Variants in TRPM7 observed in about 807,000 individuals in gnomAD.
TRPM7 encodes the protein transient receptor potential cation channel subfamily M member 7, also known as LTRPC ion channel family member 7.
Under a neutral mutation model 229.7 loss-of-function variants are expected in TRPM7, and 134 were observed. That is an observed-to-expected ratio of 0.58 (90% CI 0.51 to 0.67). TRPM7 has a LOEUF of 0.67. Among genes scored for constraint, TRPM7 ranks in the 30% least tolerant of loss-of-function variants. The pLI, the probability that TRPM7 is intolerant of heterozygous loss-of-function variation, is 0.00. For synonymous variants in TRPM7, 699 were observed against 715.2 expected (o/e 0.98, Z 0.36); for missense variants, 1,901 against 2,210.0 (o/e 0.86, Z 2.80).
Position 50,599,313 on chromosome 15 carries a change from A to G in TRPM7, c.2989-17T>C. 1 of 1,580,236 alleles carries G rather than the reference A, an allele frequency of 6.3e-7. No homozygotes were observed. Among genetic ancestry groups the G allele is most frequent in the Non-Finnish European group, 8.6e-7 (1 of 1,159,268 alleles). On this transcript the variant is annotated splice_polypyrimidine_tract_variant and intron_variant, in intron 21 of 38. Transcript: ENST00000646667. ...ATTGGCCACCTGTTAAAAAATGAAC[A>G]CTGTTAAAATACAAGGAAGTTTAAA...
At chr15:50,622,069 A>G (rs2060423877) in intron 12 of TRPM7, among the ~76,000 whole-genome samples, 1 of 152,142 alleles carries the variant, frequency 6.6e-6, no homozygotes, top group Non-Finnish European at 1.5e-5. Flanking sequence ...TATCAGGCAG[A>G]AGGGTGCTAA....
chr15:50,628,192 T>G lies in TRPM7; in HGVS notation c.1262A>C (p.Asp421Ala). The G allele has an allele frequency of 6.2e-7, 1 of 1,613,544 alleles. No homozygotes were observed. The highest frequency in any genetic ancestry group is 8.5e-7 in the Non-Finnish European group (1 of 1,179,916). ...LILTLAWDRV[D>A]IAKNHVFVYG... ...AACAAATACATGATTTTTGGCAATGTCAACTCTATCCCATGCCAATGTAAG... is the reference window on the plus strand; with the variant it reads ...AACAAATACATGATTTTTGGCAATGGCAACTCTATCCCATGCCAATGTAAG... Residue 421 changes from aspartate (D) to alanine (A), a missense_variant, in exon 11 of 39, where the codon GAC becomes GCC. Physicochemically the swap from Asp to Ala is moderately radical, Grantham distance 126. Coordinates refer to ENST00000646667, the MANE Select transcript of TRPM7 (RefSeq NM_017672.6).
chr15:50,641,685 TTC>T (rs1430142669), intron 5 of TRPM7, among the ~76,000 whole-genome samples: 2 of 152,180 alleles, frequency 1.3e-5, no homozygotes, highest in Non-Finnish European at 2.9e-5. Flanking sequence ...CCTCAAAAAC[TTC>T]TGACACAATG....
intron 1 of TRPM7, among the ~76,000 whole-genome samples, chr15:50,677,525 G>A (rs140978173): frequency 6.6e-6 from 1 of 151,904 alleles, no homozygotes; most frequent in East Asian, 1.9e-4. Flanking sequence ...CGGATCGCAA[G>A]GTCAGAAGTT....
At chr15:50,634,627 A>C (rs2060835231) in intron 7 of TRPM7, 71 bp from the exon 8 acceptor site, 2 of 1,186,102 alleles carry the variant, frequency 1.7e-6, no homozygotes, top group Non-Finnish European at 1.1e-6. Context: ...AAAAAAAATT[A>C]GGCAAAATTC....
chr15:50,628,118 ATTGTATTGTGTATGT>A lies in TRPM7; in HGVS notation c.1305+16_1305+30del. 1 of 1,445,226 alleles carries A rather than the reference ATTGTATTGTGTATGT, an allele frequency of 6.9e-7. No homozygotes were observed. The highest frequency in any genetic ancestry group is 9.6e-7 in the Non-Finnish European group (1 of 1,039,486). 89.5% of individuals were successfully genotyped at this position (1,445,226 alleles called of 1,614,324 possible). A position where few individuals can be genotyped will look rare whatever the true frequency, so the allele number is the denominator to read the frequency against. The stretch of plus-strand genomic sequence containing the variant: ...CTTTTTTATTACTTAGTGTAATTTA[ATTGTATTGTGTATGT>A]AGATTATTTACATACCAGCCACTGC... On this transcript the variant is annotated intron_variant, in intron 11 of 38. Coordinates refer to ENST00000646667, the MANE Select transcript of TRPM7 (RefSeq NM_017672.6).
intron 21 of TRPM7, 49 bp from the exon 22 acceptor site, chr15:50,599,345 G>T: frequency 7.3e-7 from 1 of 1,363,022 alleles, no homozygotes; most frequent in Non-Finnish European, 1.0e-6. Flanking sequence ...TAAACACTAT[G>T]ACAAATCTTT....
intron 12 of TRPM7, 134 bp downstream of exon 12, chr15:50,624,032 A>C: frequency 1.1e-6 from 1 of 902,398 alleles, no homozygotes; most frequent in South Asian, 2.1e-5. Flanking sequence ...ATCCATACTA[A>C]GACTGGCTAT....
At chr15:50,637,290 C>T (rs1277476480) in intron 7 of TRPM7, 132 bp downstream of exon 7, 17 of 782,370 alleles carry the variant, frequency 2.2e-5, no homozygotes, top group Non-Finnish European at 3.1e-5. Flanking sequence ...AGATCAACCA[C>T]TGTTGGTTGT....
chr15:50,569,865 T>C (rs1356657503), intron 38 of TRPM7, 22 bp downstream of exon 38: 5 of 1,533,368 alleles, frequency 3.3e-6, no homozygotes, highest in Non-Finnish European at 4.5e-6. Flanking sequence ...TTATATACTA[T>C]ACTGATTAAG....
At chr15:50,636,098 G>A (rs1179483703) in intron 7 of TRPM7, among the ~76,000 whole-genome samples, 26 of 114,498 alleles carry the variant, frequency 2.3e-4, no homozygotes, top group Non-Finnish European at 3.7e-5. Flanking sequence ...AATTAGTGAA[G>A]AATATGAATT....
chr15:50,662,594 G>A (rs1391237643), intron 2 of TRPM7, among the ~76,000 whole-genome samples: 1 of 151,944 alleles, frequency 6.6e-6, no homozygotes, highest in East Asian at 1.9e-4. Flanking sequence ...CCATAGTGTT[G>A]GATACCCAGT....
chr15:50,651,562 C>T (rs764547427), intron 3 of TRPM7, among the ~76,000 whole-genome samples: 13 of 151,998 alleles, frequency 8.6e-5, no homozygotes, highest in African/African-American at 1.2e-4. Context: ...TTTGGGAGGC[C>T]GAGGCAGGTG....
intron 1 of TRPM7, among the ~76,000 whole-genome samples, chr15:50,666,965 T>C (rs886490692): frequency 6.6e-6 from 1 of 152,202 alleles, no homozygotes; most frequent in Non-Finnish European, 1.5e-5. Context: ...TTTACTTTAC[T>C]GTATGGATTC....
At chr15:50,564,856 C>G (rs1380278073) in intron 38 of TRPM7, among the ~76,000 whole-genome samples, 1 of 152,074 alleles carries the variant, frequency 6.6e-6, no homozygotes, top group Non-Finnish European at 1.5e-5. Context: ...ATAAGCTAAT[C>G]TGCGATTACT....
At chr15:50,568,751 G>C (rs1019333736) in intron 38 of TRPM7, among the ~76,000 whole-genome samples, 2 of 152,184 alleles carry the variant, frequency 1.3e-5, no homozygotes, top group Middle Eastern at 3.4e-3. Context: ...GACGCAGGTG[G>C]ATCACTTGAG....
rs373177540 is a variant in TRPM7, at chr15:50,609,845, G to A, written c.2397C>T (p.Ser799=). The A allele has an allele frequency of 1.6e-5, 26 of 1,612,540 alleles. No homozygotes were observed. The highest frequency in any genetic ancestry group is 1.5e-4 in the Admixed American group (9 of 59,912). The change falls in exon 18 of 39, where the codon AGC becomes AGT. Residue 799 remains serine, a synonymous_variant. Coordinates refer to ENST00000646667, the MANE Select transcript of TRPM7 (RefSeq NM_017672.6). ...QDAHQMTMDD[S]ENNFQNITEE... is the part of the protein sequence containing the mutation. ...CTGTTATGTTCTGAAAGTTGTTTTC[G>A]CTGTCATCCATTGTCATCTGATGAG...
chr15:50,627,527 G>C (rs994221888), intron 11 of TRPM7, among the ~76,000 whole-genome samples: 17 of 152,134 alleles, frequency 1.1e-4, no homozygotes, highest in Non-Finnish European at 2.1e-4. Flanking sequence ...AGAGCAAAGA[G>C]GATAGTAGTA....
chr15:50,638,221 T>TGGTAGCGGGCGC (rs1225644409), intron 6 of TRPM7, among the ~76,000 whole-genome samples: 4 of 150,250 alleles, frequency 2.7e-5, no homozygotes, highest in Non-Finnish European at 5.9e-5. Context: ...TAGCCGGGCG[T>TGGTAGCGGGCGC]GGTAGCGGGC....
Sources: allele counts gnomAD v4.1 joint callset (sites outside exome capture counted in the v4.1 genomes callset), GRCh38; gene constraint gnomAD v4.1.1; transcripts MANE v1.5; gene names NCBI Gene and HGNC (gene_info 2026-07-23, HGNC 2026-07-21).